The following PEX1 variants were observed in gnomAD, a reference collection of about 807,000 sequenced individuals.
PEX1 encodes the protein peroxisomal ATPase PEX1.
In PEX1, 97 loss-of-function variants were observed where a neutral mutation model predicts 152.5. The ratio of observed to expected loss-of-function variants is 0.64; its 90% CI spans 0.54 to 0.75. The LOEUF (loss-of-function observed/expected upper bound fraction) is 0.75, where lower values mean the gene tolerates loss of function less well. Among genes scored for constraint, PEX1 ranks in the 30% least tolerant of loss-of-function variants. PEX1 has a pLI of 0.00. For missense variants in PEX1, 1,357 were observed against 1,516.3 expected, an observed-to-expected ratio of 0.89 and a Z score of 1.74; for synonymous variants, 485 against 531.6, an observed-to-expected ratio of 0.91 and a Z score of 1.21.
rs5885806 is a variant in PEX1, at chr7:92,499,847, C to CA, written c.2584-10dup. On this transcript the variant is annotated splice_polypyrimidine_tract_variant and intron_variant, in intron 15 of 23. Coordinates refer to ENST00000248633, the MANE Select transcript of PEX1 (RefSeq NM_000466.3). ...GCAAATAATTCTGGATACTGAGAAA[C>CA]AAAAAAAAAAAATATGAAAAAGAGC... 52,503 of 1,319,284 alleles carry CA rather than the reference C, an allele frequency of 0.04. 194 individuals carry two copies. Among genetic ancestry groups the CA allele is most frequent in the African/African-American group, 0.052 (3,512 of 67,656 alleles). 81.7% of individuals were successfully genotyped at this position (1,319,284 alleles called of 1,614,324 possible).
chr7:92,488,009 A>G (rs1171465611), intron 23 of PEX1, among the ~76,000 whole-genome samples: 2 of 152,242 alleles, frequency 1.3e-5, no homozygotes, highest in Non-Finnish European at 2.9e-5. Context: ...ACAATTAGAT[A>G]TGTGCATATA....
rs1177803945 is a variant in PEX1 at position 92,517,702 on chromosome 7, A to G, written c.813T>C (p.Asn271=). 1 of 1,613,522 alleles carries G rather than the reference A, an allele frequency of 6.2e-7. No individual in the cohort carries two copies. The highest frequency in any genetic ancestry group is 8.5e-7 in the Non-Finnish European group (1 of 1,179,690). Residue 271 remains asparagine, a synonymous_variant, in exon 5 of 24, where the codon AAT becomes AAC. Coordinates refer to ENST00000248633, the MANE Select transcript of PEX1 (RefSeq NM_000466.3). Reference sequence around the variant, plus strand: ...CCTTTGACTGCATATTTTTGAATGCATTGATTTCAGTTAAACCCCAAGATG... The same window carrying G: ...CCTTTGACTGCATATTTTTGAATGCGTTGATTTCAGTTAAACCCCAAGATG... ...QETSWGLTEI[N]AFKNMQSKVV...
intron 17 of PEX1, 42 bp from the exon 18 acceptor site, chr7:92,494,671 A>AT (rs756642460): frequency 6.3e-7 from 1 of 1,593,092 alleles, no homozygotes; most frequent in Admixed American, 1.7e-5. Context: ...ATCAGGCTTC[A>AT]TAGTTGGCAA....
rs1585221444 is a variant in PEX1, at chr7:92,494,590, T to C, written c.2823A>G (p.Glu941=). 1.2e-6 allele frequency: 2 copies of C among 1,614,044 alleles called. No individual in the cohort carries two copies. The highest frequency in any genetic ancestry group is 1.1e-5 in the South Asian group (1 of 91,090). The change falls in exon 18 of 24, where the codon GAA becomes GAG. Residue 941 remains glutamate (E), a synonymous_variant. Coordinates refer to ENST00000248633, the MANE Select transcript of PEX1 (RefSeq NM_000466.3). ...CCCGCCGAGGAGCAATGGATTCAAA[T>C]TCATCAAAGAAAAGAATGCAGGGCT... The part of the protein sequence containing the change: ...AAKPCILFFD[E]FESIAPRRGH...
chr7:92,491,679 AT>A lies in PEX1; in HGVS notation c.3208-178del, dbSNP rs3217161. 0.21 allele frequency: 123,277 copies of A among 581,790 alleles called. 14,443 individuals are homozygous for A. The highest frequency in any genetic ancestry group is 0.39 in the African/African-American group (20,643 of 53,414). 36.0% of individuals were successfully genotyped at this position (581,790 alleles called of 1,614,324 possible). On this transcript the variant is annotated intron_variant, in intron 20 of 23. Transcript: ENST00000248633. ...ACATGGTAAAAATTTAACTATTAAAATTATAAAGACAAGATAGAATGTGTAG... is the reference window on the plus strand; with the variant it reads ...ACATGGTAAAAATTTAACTATTAAAATATAAAGACAAGATAGAATGTGTAG...
chr7:92,509,565 A>G (rs2116196363), intron 8 of PEX1, among the ~76,000 whole-genome samples, 154 bp from the exon 9 acceptor site: 1 of 152,320 alleles, frequency 6.6e-6, no homozygotes. Context: ...GACAATAACA[A>G]TGTACCCATC....
chr7:92,505,944 AT>A (rs932704369), intron 11 of PEX1, among the ~76,000 whole-genome samples: 1 of 152,188 alleles, frequency 6.6e-6, no homozygotes, highest in African/African-American at 2.4e-5. Flanking sequence ...TTCAGAGATC[AT>A]TTATACCAAT....
intron 19 of PEX1, chr7:92,493,532 G>A (rs551807464): frequency 1.5e-4 from 23 of 158,236 alleles, no homozygotes; most frequent in African/African-American, 4.8e-4. Flanking sequence ...CCAGCTACTC[G>A]GGAGGCTGAG....
intron 1 of PEX1, among the ~76,000 whole-genome samples, chr7:92,527,421 C>G (rs905687263): frequency 6.6e-6 from 1 of 152,146 alleles, no homozygotes; most frequent in Non-Finnish European, 1.5e-5. Context: ...AAAATAATAA[C>G]GACGATGATA....
chr7:92,516,115 G>GAAAAGAAAAGAAAAGAAAAGAAAAGAA (rs1792773342), intron 5 of PEX1, among the ~76,000 whole-genome samples: 1 of 151,008 alleles, frequency 6.6e-6, no homozygotes, highest in African/African-American at 2.4e-5. Context: ...GAAAAGAATG[G>GAAAAGAAAAGAAAAGAAAAGAAAAGAA]TCTGGAGCTT....
chr7:92,511,438 A>C, intron 7 of PEX1, 142 bp downstream of exon 7: 1 of 750,104 alleles, frequency 1.3e-6, no homozygotes, highest in Non-Finnish European at 2.1e-6. Flanking sequence ...GATATTTTTC[A>C]ATACATAAAA....
Position 92,511,717 on chromosome 7 carries a change from G to A in PEX1, c.1360-14C>T, listed in dbSNP as rs1301649688. 6.2e-7 allele frequency: 1 copy of A among 1,605,162 alleles called. No homozygotes were observed. The highest frequency in any genetic ancestry group is 8.5e-7 in the Non-Finnish European group (1 of 1,174,966). On this transcript the variant is annotated splice_polypyrimidine_tract_variant and intron_variant, in intron 6 of 23. Transcript: ENST00000248633. ...TATGTCTTTAGGCTGCCAGAAAAAG[G>A]AATAGTAATGAATTATCCTCATATC...
chr7:92,497,896 C>T (rs1200738858), intron 16 of PEX1, among the ~76,000 whole-genome samples: 1 of 151,164 alleles, frequency 6.6e-6, no homozygotes, highest in Non-Finnish European at 1.5e-5. Context: ...GGTAAAATCC[C>T]GTCTCTACTA....
At chr7:92,496,002 T>C (rs1354348323) in intron 17 of PEX1, among the ~76,000 whole-genome samples, 2 of 152,142 alleles carry the variant, frequency 1.3e-5, no homozygotes, top group African/African-American at 4.8e-5. Context: ...CTCCCAAATA[T>C]TTTCCACTAT....
chr7:92,499,281 T>C (rs1405404359), intron 16 of PEX1, among the ~76,000 whole-genome samples: 2 of 152,222 alleles, frequency 1.3e-5, no homozygotes, highest in African/African-American at 4.8e-5. Context: ...AGCAACATTA[T>C]TCATAATAGT....
rs1792599128 is a variant in PEX1 at position 92,513,897 on chromosome 7, A to G, written c.1310T>C (p.Val437Ala). 2.5e-6 allele frequency: 4 copies of G among 1,599,058 alleles called. No individual in the cohort carries two copies. In the South Asian group the frequency reaches 4.4e-5, roughly 18 times the overall value. The stretch of plus-strand genomic sequence containing the variant: ...TAGAGATCTTGGAATTTTAGGGGTA[A>G]CTTCCACTGGAGTTATCCTGACTAC... ...HAVVRITPVE[V>A]TPKIPRSLKL... Residue 437 changes from valine to alanine, a missense_variant, in exon 6 of 24, where the codon GTT becomes GCT. Coordinates refer to ENST00000248633, the MANE Select transcript of PEX1 (RefSeq NM_000466.3).
intron 7 of PEX1, 96 bp from the exon 8 acceptor site, chr7:92,511,143 T>TC: frequency 4.4e-6 from 2 of 456,282 alleles, no homozygotes; most frequent in East Asian, 1.0e-4. Flanking sequence ...GTTAAAGACT[T>TC]TTTTTTTTTT....
chr7:92,526,858 T>C (rs1309980086), intron 1 of PEX1, among the ~76,000 whole-genome samples: 1 of 152,214 alleles, frequency 6.6e-6, no homozygotes, highest in African/African-American at 2.4e-5. Context: ...ATTAGTCACC[T>C]CTAAGTTCTG....
chr7:92,505,744 T>C (rs1442351424), intron 11 of PEX1, among the ~76,000 whole-genome samples: 1 of 152,182 alleles, frequency 6.6e-6, no homozygotes, highest in Non-Finnish European at 1.5e-5. Context: ...GCGGTACCCA[T>C]GGGGGAAAAA....
Sources: gnomAD v4.1 joint callset for allele counts (sites outside exome capture counted in the v4.1 genomes callset) on GRCh38, gnomAD v4.1.1 for gene constraint, MANE v1.5 for transcripts, NCBI Gene and HGNC (gene_info 2026-07-23, HGNC 2026-07-21) for gene names.